The following STPG2 variants were observed in gnomAD, a reference collection of about 807,000 sequenced individuals.
The protein encoded by STPG2 is sperm-tail PG-rich repeat-containing protein 2.
Under a neutral mutation model 54.2 loss-of-function variants are expected in STPG2, and 56 were observed. The ratio of observed to expected loss-of-function variants is 1.03; its 90% CI spans 0.83 to 1.29. STPG2 has a LOEUF of 1.29. Among genes scored for constraint, STPG2 ranks in the 50% most tolerant of loss-of-function variants. The pLI is 0.00. For synonymous variants in STPG2, 200 were observed against 181.8 expected (o/e 1.10, Z -0.81); for missense variants, 596 against 544.9 (o/e 1.09, Z -0.93).
At chr4:98,008,708 T>C (rs1296330397) in intron 5 of STPG2, among the ~76,000 whole-genome samples, 1 of 151,792 alleles carries the variant, frequency 6.6e-6, no homozygotes, top group African/African-American at 2.4e-5. Flanking sequence ...AACAACATTA[T>C]GAGAGGAATA....
At chr4:98,026,315 T>C (rs1220779302) in intron 5 of STPG2, 3 of 603,554 alleles carry the variant, frequency 5.0e-6, no homozygotes, top group African/African-American at 3.7e-5. Context: ...AATAAAAGTA[T>C]GGACAGAAAA....
chr4:97,933,766 C>G (rs1463540811), intron 8 of STPG2, among the ~76,000 whole-genome samples: 1 of 152,102 alleles, frequency 6.6e-6, no homozygotes, highest in Non-Finnish European at 1.5e-5. Flanking sequence ...GTTACTGTAG[C>G]CTTGTAGTGT....
chr4:97,516,781 T>C (rs1324018417), intron 4 of STPG2, among the ~76,000 whole-genome samples: 6 of 151,546 alleles, frequency 4.0e-5, no homozygotes, highest in Non-Finnish European at 7.4e-5. Context: ...TGAGCCAAGA[T>C]TGTGCCACTG....
At chr4:97,708,810 AT>A (rs1724029304) in intron 10 of STPG2, among the ~76,000 whole-genome samples, 1 of 151,726 alleles carries the variant, frequency 6.6e-6, no homozygotes, top group Admixed American at 6.6e-5. Context: ...TTAAAAAAAA[AT>A]ACCTACTAAT....
intron 5 of STPG2, among the ~76,000 whole-genome samples, chr4:98,049,236 G>A (rs1472601484): frequency 1.3e-5 from 2 of 152,096 alleles, no homozygotes; most frequent in South Asian, 2.1e-4. Context: ...ATGAACACTC[G>A]ACTTGAAGTT....
intron 4 of STPG2, 139 bp downstream of exon 4, chr4:98,109,054 A>T: frequency 2.0e-6 from 1 of 498,760 alleles, no homozygotes; most frequent in Non-Finnish European, 3.5e-6. Flanking sequence ...ACTTTCATAT[A>T]CATTACACCA....
intron 10 of STPG2, among the ~76,000 whole-genome samples, chr4:97,702,024 C>T (rs114534750): frequency 3.3e-5 from 5 of 152,282 alleles, no homozygotes; most frequent in East Asian, 1.9e-4. Flanking sequence ...TGTTTCACAA[C>T]GCATTGTTCA....
At chr4:97,639,334 G>A (rs909627330) in intron 10 of STPG2, among the ~76,000 whole-genome samples, 4 of 151,616 alleles carry the variant, frequency 2.6e-5, no homozygotes, top group African/African-American at 9.7e-5. Flanking sequence ...TCACACTCTG[G>A]GGACTGTTGT....
chr4:97,782,494 C>T (rs1456403669), intron 9 of STPG2, among the ~76,000 whole-genome samples: 4 of 152,262 alleles, frequency 2.6e-5, no homozygotes, highest in East Asian at 1.9e-4. Context: ...GTGAAAATGG[C>T]GATACTGACC....
chr4:97,681,487 A>G (rs369352847), intron 10 of STPG2, among the ~76,000 whole-genome samples: 1 of 151,880 alleles, frequency 6.6e-6, no homozygotes, highest in African/African-American at 2.4e-5. Context: ...AGATGTCACT[A>G]GATTATCTAT....
intron 4 of STPG2, among the ~76,000 whole-genome samples, chr4:97,532,776 T>A (rs1731442257): frequency 6.6e-6 from 1 of 152,214 alleles, no homozygotes; most frequent in Non-Finnish European, 1.5e-5. Context: ...GAAAGCAGAT[T>A]CAATTTTTAA....
At chr4:97,550,339 T>A (rs552103371) in intron 4 of STPG2, among the ~76,000 whole-genome samples, 1 of 152,040 alleles carries the variant, frequency 6.6e-6, no homozygotes, top group African/African-American at 2.4e-5. Context: ...GGCAAAGATA[T>A]AATGTACCTA....
rs1233731039 is a variant in STPG2 at position 98,096,389 on chromosome 4, C to T, written c.612+9564G>A. Among the ~76,000 whole-genome samples the T allele has an allele frequency of 6.0e-5, 7 of 117,050 alleles. No homozygotes were observed. The Admixed American group carries it at 7.1e-4, about 12-fold the overall frequency. 76.8% of individuals were successfully genotyped at this position (117,050 alleles called of 152,430 possible). ...TCCAGCCTGGGTAACAGGAGTGAAA[C>T]CCTGTCTCAAAAAAAGAAAAAAAAA... On this transcript the variant is annotated intron_variant, in intron 5 of 10. Transcript: ENST00000295268.
At chr4:97,861,716 C>T (rs151168590) in intron 8 of STPG2, among the ~76,000 whole-genome samples, 1 of 152,116 alleles carries the variant, frequency 6.6e-6, no homozygotes, top group South Asian at 2.1e-4. Context: ...AGACTAACAG[C>T]TGCTCTCTCG....
intron 10 of STPG2, among the ~76,000 whole-genome samples, chr4:97,584,404 G>C (rs955577901): frequency 2.0e-5 from 3 of 151,884 alleles, no homozygotes; most frequent in African/African-American, 4.8e-5. Context: ...AAAGTTCATA[G>C]CATTAAATAC....
chr4:97,680,188 A>T (rs1433331334), intron 10 of STPG2, among the ~76,000 whole-genome samples: 1 of 151,202 alleles, frequency 6.6e-6, no homozygotes, highest in Non-Finnish European at 1.5e-5. Context: ...CTTGATGGGG[A>T]TGGCATTGAA....
intron 5 of STPG2, among the ~76,000 whole-genome samples, chr4:98,059,448 G>C (rs926484696): frequency 6.6e-6 from 1 of 151,910 alleles, no homozygotes; most frequent in Non-Finnish European, 1.5e-5. Context: ...GTACCTGATG[G>C]ATTCACAGCC....
At chr4:98,075,311 T>C (rs1418879140) in intron 5 of STPG2, among the ~76,000 whole-genome samples, 1 of 152,156 alleles carries the variant, frequency 6.6e-6, no homozygotes, top group Non-Finnish European at 1.5e-5. Flanking sequence ...GCACAGCATG[T>C]GAGGATTGCT....
At chr4:97,588,879 G>GCTAC (rs1733065745) in intron 10 of STPG2, among the ~76,000 whole-genome samples, 1 of 152,048 alleles carries the variant, frequency 6.6e-6, no homozygotes, top group African/African-American at 2.4e-5. Context: ...CATTTTCTAT[G>GCTAC]CTACCTACTC....
Sources: gnomAD v4.1 joint callset for allele counts (sites outside exome capture counted in the v4.1 genomes callset) on GRCh38, gnomAD v4.1.1 for gene constraint, MANE v1.5 for transcripts, NCBI Gene and HGNC (gene_info 2026-07-23, HGNC 2026-07-21) for gene names.